Variants in CDKN2A observed in about 807,000 individuals in gnomAD.
CDKN2A encodes cyclin dependent kinase inhibitor 2A.
CDKN2A carries 3 observed loss-of-function variants against 11.1 expected under a neutral mutation model. That is an observed-to-expected ratio of 0.27 (90% CI 0.12 to 0.70). The LOEUF (loss-of-function observed/expected upper bound fraction) is 0.70. Ranked by LOEUF, CDKN2A falls within the 30% of genes least tolerant of loss-of-function variation. CDKN2A has a pLI of 0.77. For missense variants in CDKN2A, 265 were observed against 233.6 expected (o/e 1.13, Z -0.88); for synonymous variants, 122 against 108.1 (o/e 1.13, Z -0.80).
intron 2 of CDKN2A, among the ~76,000 whole-genome samples, chr9:21,986,741 GAAGA>G (rs1467404677): frequency 1.3e-5 from 2 of 152,040 alleles, no homozygotes; most frequent in Non-Finnish European, 2.9e-5. Context: ...TGTGATTTAG[GAAGA>G]AAGTTTCAAT....
At position 21,974,846 on chromosome 9, in the gene CDKN2A, C is replaced by CT. The variant is rs780220833; in HGVS notation, c.-20dup. On this transcript the variant is annotated 5_prime_UTR_variant, in exon 1 of 3. Coordinates refer to ENST00000304494, the MANE Select transcript of CDKN2A (RefSeq NM_000077.5). The surrounding 1 kb of genome is among the most constrained non-coding windows in gnomAD (Gnocchi z 5.2). ...GCTCCATGCTGCTCCCCGCCGCCCG[C>CT]TGCCTGCTCTCCCCCTCTCCGCAGC... The CT allele has an allele frequency of 6.4e-7, 1 of 1,557,004 alleles. No individual in the cohort carries two copies. Among genetic ancestry groups the CT allele is most frequent in the Non-Finnish European group, 8.6e-7 (1 of 1,157,120 alleles).
intron 1 of CDKN2A, chr9:21,994,056 A>C: frequency 1.4e-5 from 21 of 1,449,914 alleles, no homozygotes; most frequent in Non-Finnish European, 1.9e-5. Flanking sequence ...AGCCTGGGCT[A>C]GAGACGAATT....
At chr9:21,975,568 C>T (rs1211033382), upstream of CDKN2A, among the ~76,000 whole-genome samples, 1 of 152,138 alleles carries the variant, frequency 6.6e-6, no homozygotes, top group Non-Finnish European at 1.5e-5. Flanking sequence ...CTCTCCTTCC[C>T]CTCCCCTTCC....
rs922042192 is a variant in CDKN2A, at chr9:21,968,584, C to T, written c.458-342G>A. On this transcript the variant is annotated intron_variant, in intron 2 of 2. Coordinates refer to ENST00000304494, the MANE Select transcript of CDKN2A (RefSeq NM_000077.5). The surrounding 1 kb of genome is among the most constrained non-coding windows in gnomAD (Gnocchi z 4.7). ...CTCAGTGGTTGCTCACAATGCCAGG[C>T]GCGAAGGCGTGAAGATGTGGCCTTT... The T allele has an allele frequency of 1.4e-6, 2 of 1,471,242 alleles. No individual in the cohort carries two copies. Among genetic ancestry groups the T allele is most frequent in the East Asian group, 4.9e-5 (2 of 40,452 alleles). The allele number at this position is 1,471,242 out of a possible 1,614,324, so 91.1% of individuals were successfully genotyped here. A position where few individuals can be genotyped will look rare whatever the true frequency, so the allele number is the denominator to read the frequency against.
At chr9:21,969,222 C>G (rs764752408) in intron 2 of CDKN2A, among the ~76,000 whole-genome samples, 1 of 152,042 alleles carries the variant, frequency 6.6e-6, no homozygotes, top group Non-Finnish European at 1.5e-5. Flanking sequence ...ACCTTCGTCT[C>G]TATTAAACAA....
chr9:21,992,347 A>G, intron 2 of CDKN2A: 1 of 896,386 alleles, frequency 1.1e-6, no homozygotes, highest in Non-Finnish European at 1.3e-6. Context: ...TAGATTTTAT[A>G]TTATGTATAT....
chr9:21,990,612 G>GAGAGAGAC (rs1820407464), intron 2 of CDKN2A, among the ~76,000 whole-genome samples: 2 of 32,550 alleles, frequency 6.1e-5, no homozygotes, highest in African/African-American at 3.7e-4. Flanking sequence ...CTAATTTGGT[G>GAGAGAGAC]AGAGAGAGAG....
In CDKN2A at chr9:21,974,798, C is replaced by G. The variant is rs1412534406; in HGVS notation, c.30G>C (p.Glu10Asp). The G allele has an allele frequency of 6.2e-7, 1 of 1,604,564 alleles. No individual in the cohort carries two copies. The highest frequency in any genetic ancestry group is 1.1e-5 in the South Asian group (1 of 90,892). Residue 10 changes from glutamate to aspartate, a missense_variant, in exon 1 of 3, where the codon GAG (glutamate) becomes GAC (aspartate). Transcript: ENST00000304494. This position sits in a 1 kb window ranked among gnomAD's most constrained non-coding sequence, Gnocchi z 5.2. MEPAAGSSM[E>D]PSADWLATAA... is the part of the protein sequence containing the mutation. Reference sequence around the variant, plus strand: ...CCGTGGCCAGCCAGTCAGCCGAAGGCTCCATGCTGCTCCCCGCCGCCGGCT... The same window carrying G: ...CCGTGGCCAGCCAGTCAGCCGAAGGGTCCATGCTGCTCCCCGCCGCCGGCT...
chr9:21,974,892 C>T (rs888151485), upstream of CDKN2A: 5 of 1,461,414 alleles, frequency 3.4e-6, no homozygotes. The surrounding 1 kb of genome is among the most constrained non-coding windows in gnomAD (Gnocchi z 5.2). Flanking sequence ...ACGCGGTCCG[C>T]CCCACCCTCT....
Position 21,974,451 on chromosome 9 carries a change from CGA to C in CDKN2A, c.150+225_150+226del. ...CCCCCCTTCAGATCTTCTCAGCATT[CGA>C]GAGATCTGTACGCGCGTGGCTCCTC... On this transcript the variant is annotated intron_variant, in intron 1 of 2. Coordinates refer to ENST00000304494, the MANE Select transcript of CDKN2A (RefSeq NM_000077.5). The surrounding 1 kb of genome is among the most constrained non-coding windows in gnomAD (Gnocchi z 5.2). The C allele has an allele frequency of 1.2e-6, 2 of 1,611,632 alleles. No individual in the cohort carries two copies. Among genetic ancestry groups the C allele is most frequent in the Non-Finnish European group, 8.5e-7 (1 of 1,178,880 alleles).
chr9:21,969,943 C>A (rs1819622895), intron 2 of CDKN2A: 1 of 396,720 alleles, frequency 2.5e-6, no homozygotes, highest in Non-Finnish European at 4.4e-6. Context: ...CTCCCCAGCT[C>A]CCCTATGGCC....
intron 2 of CDKN2A, among the ~76,000 whole-genome samples, chr9:21,981,346 A>C (rs1049170652): frequency 1.3e-5 from 2 of 151,190 alleles, no homozygotes; most frequent in African/African-American, 2.4e-5. Context: ...CAGGAAAAAA[A>C]GATTTCAGAG....
Position 21,968,460 on chromosome 9 carries a change from A to G in CDKN2A, c.458-218T>C. ...CCGCCTGGCTGCTCCAGGCGCGCCG[A>G]CCGCTCAAGCGCTCCAGGTCCACCC... On this transcript the variant is annotated intron_variant, in intron 2 of 2. Transcript: ENST00000304494. The surrounding 1 kb of genome is among the most constrained non-coding windows in gnomAD (Gnocchi z 4.7). 1 of 1,484,098 alleles carries G rather than the reference A, an allele frequency of 6.7e-7. No homozygotes were observed. The highest frequency in any genetic ancestry group is 8.9e-7 in the Non-Finnish European group (1 of 1,121,208). 91.9% of individuals were successfully genotyped at this position (1,484,098 alleles called of 1,614,324 possible). A position where few individuals can be genotyped will look rare whatever the true frequency, so the allele number is the denominator to read the frequency against.
chr9:21,972,141 T>C (rs1199450860), intron 1 of CDKN2A, among the ~76,000 whole-genome samples: 1 of 152,172 alleles, frequency 6.6e-6, no homozygotes, highest in Non-Finnish European at 1.5e-5. Context: ...TCATTTAGCA[T>C]AATGCTCTCC....
chr9:21,989,676 C>A (rs72547288), intron 2 of CDKN2A: 3 of 152,398 alleles, frequency 2.0e-5, no homozygotes, highest in African/African-American at 7.2e-5. Flanking sequence ...CTAGCCAGTT[C>A]CAAGCTGGAG....
intron 2 of CDKN2A, among the ~76,000 whole-genome samples, chr9:21,981,162 A>G (rs1464883343): frequency 1.5e-3 from 6 of 3,932 alleles, no homozygotes; most frequent in Admixed American, 4.4e-3. Context: ...ATATACGTGT[A>G]TATATATATA....
At chr9:21,978,301 A>G (rs1820090176), upstream of CDKN2A, among the ~76,000 whole-genome samples, 1 of 152,034 alleles carries the variant, frequency 6.6e-6, no homozygotes, top group Non-Finnish European at 1.5e-5. Context: ...TATGTAAATA[A>G]TTAATAATAG....
Position 21,968,738 on chromosome 9 carries a change from C to T in CDKN2A, c.458-496G>A, listed in dbSNP as rs2131082129. ...CCCGTAGCTTCCCTACGCATGCCTGCTTCTACAAACCCACAAATGGTTTCC... is the reference window on the plus strand; with the variant it reads ...CCCGTAGCTTCCCTACGCATGCCTGTTTCTACAAACCCACAAATGGTTTCC... On this transcript the variant is annotated intron_variant, in intron 2 of 2. Coordinates refer to ENST00000304494, the MANE Select transcript of CDKN2A (RefSeq NM_000077.5). The surrounding 1 kb of genome is among the most constrained non-coding windows in gnomAD (Gnocchi z 4.7). The T allele has an allele frequency of 6.5e-7, 1 of 1,536,188 alleles. No individual in the cohort carries two copies. The highest frequency in any genetic ancestry group is 8.7e-7 in the Non-Finnish European group (1 of 1,146,910).
At chr9:21,993,946 A>T in exon 2 of CDKN2A, 1 of 664,858 alleles carries the variant, frequency 1.5e-6, no homozygotes, top group Admixed American at 2.3e-5. Context: ...GGGCTGTGTG[A>T]AGGGAGGTCC....
Sources: allele counts gnomAD v4.1 joint callset (sites outside exome capture counted in the v4.1 genomes callset), GRCh38; gene constraint gnomAD v4.1.1; non-coding constraint Gnocchi (gnomAD v3.1); transcripts MANE v1.5; gene names NCBI Gene and HGNC (gene_info 2026-07-23, HGNC 2026-07-21).